The following SAMD13 variants were observed in gnomAD, a reference collection of about 807,000 sequenced individuals.
SAMD13 encodes the protein sterile alpha motif domain-containing protein 13.
Under a neutral mutation model 12.4 loss-of-function variants are expected in SAMD13, and 9 were observed. The observed-to-expected ratio is 0.72, with a 90% confidence interval of 0.44 to 1.26. The LOEUF (loss-of-function observed/expected upper bound fraction) is 1.26, where lower values mean the gene tolerates loss of function less well. SAMD13 is among the 50% of genes most tolerant of loss of function. The pLI is 0.00. For missense variants in SAMD13, 84 were observed against 119.6 expected (o/e 0.70, Z 1.39); for synonymous variants, 46 against 45.4 (o/e 1.01, Z -0.05).
At chr1:84,317,299 G>A (rs564467419) in intron 2 of SAMD13, among the ~76,000 whole-genome samples, 1 of 152,100 alleles carries the variant, frequency 6.6e-6, no homozygotes, top group Admixed American at 6.5e-5. Context: ...TAATGGAAAA[G>A]TTTTCAGTTT....
At chr1:84,321,909 C>T (rs910484172) in intron 2 of SAMD13, among the ~76,000 whole-genome samples, 2 of 152,166 alleles carry the variant, frequency 1.3e-5, no homozygotes, top group Middle Eastern at 6.3e-3. Context: ...TGAAATCATC[C>T]ATCGTGCATT....
At position 84,325,816 on chromosome 1, in the gene SAMD13, T is replaced by G. The variant is rs1354277063; in HGVS notation, c.165+68T>G. 1.4e-5 allele frequency: 13 copies of G among 942,646 alleles called. No homozygotes were observed. In the Admixed American group the frequency reaches 2.4e-4, roughly 18 times the overall value. The allele number at this position is 942,646 out of a possible 1,614,324, so 58.4% of individuals were successfully genotyped here. On this transcript the variant is annotated intron_variant, in intron 3 of 3. Transcript: ENST00000394834. ...CCACAGTTACCTCCCTTCCCAACAG[T>G]GGGCAGAAGGGAGTGAGGAGGAAGA...
rs75193751 is a variant in SAMD13 at position 84,344,084 on chromosome 1, T to C, written c.166-5547T>C. Among the ~76,000 whole-genome samples the C allele has an allele frequency of 2.4e-3, 360 of 151,834 alleles. 5 individuals carry two copies. In the East Asian group the frequency reaches 0.049, roughly 21 times the overall value. On this transcript the variant is annotated intron_variant, in intron 3 of 3. Transcript: ENST00000394834. The stretch of plus-strand genomic sequence containing the variant: ...TTGTTTTTTGTTTTTTTGGCTTTTT[T>C]TTTTTTGTAATACAGACCCTTTATC...
chr1:84,308,020 TG>T (rs2101789368), intron 2 of SAMD13, among the ~76,000 whole-genome samples: 1 of 152,294 alleles, frequency 6.6e-6, no homozygotes, highest in South Asian at 2.1e-4. Flanking sequence ...TCTCTTTTTT[TG>T]TAGCTCTCTC....
At chr1:84,328,641 G>A (rs1207188821) in intron 3 of SAMD13, among the ~76,000 whole-genome samples, 1 of 152,144 alleles carries the variant, frequency 6.6e-6, no homozygotes, top group Non-Finnish European at 1.5e-5. Flanking sequence ...ATGTTAACCT[G>A]CCTCTTCCAT....
Position 84,342,042 on chromosome 1 carries a change from G to T in SAMD13, c.166-7589G>T, listed in dbSNP as rs78294517. ...AGTTAAATAGCTTTCAAGATAATCT[G>T]GGCATTGACATAAGTTAGCATAAGG... is the stretch of plus-strand genomic sequence containing the variant. On this transcript the variant is annotated intron_variant, in intron 3 of 3. Transcript: ENST00000394834. 3.4e-3 allele frequency among the ~76,000 whole-genome samples: 521 copies of T among 152,268 alleles called. 5 individuals carry two copies. The highest frequency in any genetic ancestry group is 0.011 in the African/African-American group (473 of 41,574).
chr1:84,340,552 T>G (rs1679401329), intron 3 of SAMD13, among the ~76,000 whole-genome samples: 1 of 152,228 alleles, frequency 6.6e-6, no homozygotes, highest in Admixed American at 6.5e-5. Context: ...ATGGTCAAAA[T>G]GGCATATTTC....
In SAMD13 at chr1:84,302,588, T is replaced by C. The variant is rs562962262; in HGVS notation, c.-32-615T>C. On this transcript the variant is annotated intron_variant, in intron 1 of 3. Transcript: ENST00000394834. ...CACACACACACACACCAGCACCACC[T>C]TTCTGTGCTAAGGGCTATCTGGCAT... 59 of 851,522 alleles carry C rather than the reference T, an allele frequency of 6.9e-5. 1 individual carries two copies. In the Middle Eastern group the frequency reaches 1.8e-3, roughly 26 times the overall value. The allele number at this position is 851,522 out of a possible 1,614,324, so 52.7% of individuals were successfully genotyped here.
chr1:84,313,505 C>G (rs1225306706), intron 2 of SAMD13, among the ~76,000 whole-genome samples: 1 of 152,116 alleles, frequency 6.6e-6, no homozygotes, highest in African/African-American at 2.4e-5. Flanking sequence ...CTTTCTCACT[C>G]CCTTTTTCAG....
intron 1 of SAMD13, 37 bp downstream of exon 1, chr1:84,301,838 T>C: frequency 4.9e-6 from 4 of 808,914 alleles, no homozygotes; most frequent in Non-Finnish European, 6.0e-6. Flanking sequence ...GAAAAGAAAA[T>C]AATAGTAATA....
chr1:84,306,644 C>CAAAAAAAAAAAAAAA (rs386367519), intron 2 of SAMD13, among the ~76,000 whole-genome samples: 1 of 64,006 alleles, frequency 1.6e-5, no homozygotes, highest in Non-Finnish European at 3.0e-5. Flanking sequence ...CTAAAAATAC[C>CAAAAAAAAAAAAAAA]AAAAAAAAAA....
intron 2 of SAMD13, among the ~76,000 whole-genome samples, chr1:84,309,958 G>A (rs1278769673): frequency 6.6e-6 from 1 of 152,132 alleles, no homozygotes; most frequent in African/African-American, 2.4e-5. Flanking sequence ...TTAACTGATA[G>A]GGCAGCTTTG....
chr1:84,345,222 G>A (rs1679512025), intron 3 of SAMD13: 1 of 456,084 alleles, frequency 2.2e-6, no homozygotes, highest in African/African-American at 2.0e-5. Context: ...AGATGTGAGG[G>A]GGAAGAATGA....
At chr1:84,334,239 T>C (rs1679251075) in intron 3 of SAMD13, among the ~76,000 whole-genome samples, 1 of 152,124 alleles carries the variant, frequency 6.6e-6, no homozygotes, top group African/African-American at 2.4e-5. Flanking sequence ...GAACTCATTA[T>C]TGGTTTGTTT....
chr1:84,340,755 A>G (rs1367311562), intron 3 of SAMD13, among the ~76,000 whole-genome samples: 1 of 152,226 alleles, frequency 6.6e-6, no homozygotes, highest in Non-Finnish European at 1.5e-5. Flanking sequence ...AGATATAAAT[A>G]AGATTGTCCT....
At chr1:84,347,628 G>T (rs1443941326) in intron 3 of SAMD13, among the ~76,000 whole-genome samples, 1 of 152,166 alleles carries the variant, frequency 6.6e-6, no homozygotes, top group Non-Finnish European at 1.5e-5. Flanking sequence ...CACAACAGCC[G>T]AGGAAAGATG....
chr1:84,317,264 G>A (rs1678854451), intron 2 of SAMD13, among the ~76,000 whole-genome samples: 1 of 151,978 alleles, frequency 6.6e-6, no homozygotes, highest in African/African-American at 2.4e-5. Flanking sequence ...GGCAAGAATG[G>A]GCATCCTTGC....
intron 3 of SAMD13, among the ~76,000 whole-genome samples, chr1:84,335,013 A>C (rs529103721): frequency 6.6e-6 from 1 of 152,120 alleles, no homozygotes; most frequent in Non-Finnish European, 1.5e-5. Flanking sequence ...TGAGAAGAAT[A>C]TATATTCTGC....
At chr1:84,326,909 A>T (rs1313651871) in intron 3 of SAMD13, among the ~76,000 whole-genome samples, 1 of 152,162 alleles carries the variant, frequency 6.6e-6, no homozygotes, top group Non-Finnish European at 1.5e-5. Context: ...TAATTTGGAA[A>T]ACTTGCTAAA....
Sources: allele counts gnomAD v4.1 joint callset (sites outside exome capture counted in the v4.1 genomes callset), GRCh38; gene constraint gnomAD v4.1.1; transcripts MANE v1.5; gene names NCBI Gene and HGNC (gene_info 2026-07-23, HGNC 2026-07-21).